Variants in TENM3 observed in about 807,000 individuals in gnomAD.
TENM3 encodes teneurin-3.
TENM3 carries 63 observed loss-of-function variants against 255.1 expected under a neutral mutation model. That is an observed-to-expected ratio of 0.25 (90% CI 0.20 to 0.30). The LOEUF (loss-of-function observed/expected upper bound fraction) is 0.30, where lower values mean the gene tolerates loss of function less well. Ranked by LOEUF, TENM3 falls within the 10% of genes least tolerant of loss-of-function variation. TENM3 has a pLI of 1.00. For missense variants in TENM3, 2,929 were observed against 3,461.1 expected, an observed-to-expected ratio of 0.85 and a Z score of 3.86; for synonymous variants, 1,306 against 1,322.3, an observed-to-expected ratio of 0.99 and a Z score of 0.27.
chr4:182,441,648 C>T (rs1772497206), intron 3 of TENM3, among the ~76,000 whole-genome samples: 1 of 152,182 alleles, frequency 6.6e-6, no homozygotes, highest in Non-Finnish European at 1.5e-5. Flanking sequence ...CAGGCACGTG[C>T]CACCACGCCC....
At chr4:182,211,990 T>C (rs887863608) in intron 1 of TENM3, among the ~76,000 whole-genome samples, 1 of 152,136 alleles carries the variant, frequency 6.6e-6, no homozygotes, top group Non-Finnish European at 1.5e-5. Flanking sequence ...ATACAGCAAA[T>C]GGTAGCTCTA....
At chr4:181,538,235 G>A in the TENM3 span, among the ~76,000 whole-genome samples, 1 of 152,028 alleles carries the variant, frequency 6.6e-6, no homozygotes, top group Non-Finnish European at 1.5e-5. Context: ...GATTACATTG[G>A]TCAGCTCTCA....
At chr4:182,075,322 C>T in the TENM3 span, among the ~76,000 whole-genome samples, 1 of 151,776 alleles carries the variant, frequency 6.6e-6, no homozygotes, top group Non-Finnish European at 1.5e-5. Flanking sequence ...CCTCAGCCTC[C>T]TGAGTAGCTG....
chr4:182,523,997 G>T (rs1271499664), intron 3 of TENM3, among the ~76,000 whole-genome samples: 1 of 151,856 alleles, frequency 6.6e-6, no homozygotes, highest in African/African-American at 2.4e-5. Context: ...AGAATTTTCC[G>T]TAGGAAAAAA....
chr4:182,301,141 C>G (rs1029859399), intron 1 of TENM3, among the ~76,000 whole-genome samples: 7 of 152,124 alleles, frequency 4.6e-5, no homozygotes, highest in African/African-American at 1.4e-4. Flanking sequence ...TCACCGTTTC[C>G]TATATTTCCT....
At position 182,728,433 on chromosome 4, in the gene TENM3, C is replaced by T. The variant is rs116832846; in HGVS notation, c.2369-532C>T. Among the ~76,000 whole-genome samples the T allele has an allele frequency of 7.1e-3, 1,075 of 152,324 alleles. 14 individuals are homozygous for T. The highest frequency in any genetic ancestry group is 0.024 in the African/African-American group (994 of 41,562). On this transcript the variant is annotated intron_variant, in intron 13 of 27. Coordinates refer to ENST00000511685, the MANE Select transcript of TENM3 (RefSeq NM_001080477.4). ...TAATTTTTTTATTTCTTACTCAGAACAAACATTATATGATTCTTTTCAGCC... is the reference window on the plus strand; with the variant it reads ...TAATTTTTTTATTTCTTACTCAGAATAAACATTATATGATTCTTTTCAGCC...
intron 3 of TENM3, among the ~76,000 whole-genome samples, chr4:182,442,829 TATAC>T (rs1481471328): frequency 6.9e-5 from 7 of 101,946 alleles, no homozygotes; most frequent in African/African-American, 2.1e-4. Context: ...TATACATATA[TATAC>T]ATACATACAT....
intron 24 of TENM3, among the ~76,000 whole-genome samples, chr4:182,777,500 A>T (rs1292027216): frequency 7.6e-6 from 1 of 131,892 alleles, no homozygotes; most frequent in Non-Finnish European, 1.6e-5. Context: ...CTGTCTATAC[A>T]TAATGTGTTT....
At chr4:182,013,574 A>G in the TENM3 span, among the ~76,000 whole-genome samples, 2 of 152,024 alleles carry the variant, frequency 1.3e-5, no homozygotes, top group Admixed American at 1.3e-4. Context: ...TTCTCCTCTG[A>G]TGGTAAAGTC....
chr4:182,108,773 C>G, the TENM3 span, among the ~76,000 whole-genome samples: 2 of 152,190 alleles, frequency 1.3e-5, no homozygotes, highest in African/African-American at 4.8e-5. Context: ...TCTCTCAGCT[C>G]TTCCCCCTTA....
chr4:182,482,008 C>G (rs1490538798), intron 3 of TENM3, among the ~76,000 whole-genome samples: 1 of 152,118 alleles, frequency 6.6e-6, no homozygotes, highest in African/African-American at 2.4e-5. Context: ...GAAGTAAATG[C>G]AGATACTGTA....
intron 3 of TENM3, among the ~76,000 whole-genome samples, chr4:182,575,298 T>C (rs1328588889): frequency 6.6e-6 from 1 of 152,192 alleles, no homozygotes; most frequent in African/African-American, 2.4e-5. Flanking sequence ...CTCAATGAGA[T>C]TTTTCATTGA....
chr4:182,706,425 G>A (rs1347468897), intron 12 of TENM3, among the ~76,000 whole-genome samples: 1 of 152,118 alleles, frequency 6.6e-6, no homozygotes, highest in African/African-American at 2.4e-5. Flanking sequence ...TAGTTATTGC[G>A]AATACCACTG....
At chr4:182,468,305 G>A (rs1311357142) in intron 3 of TENM3, among the ~76,000 whole-genome samples, 2 of 152,140 alleles carry the variant, frequency 1.3e-5, no homozygotes, top group African/African-American at 2.4e-5. Flanking sequence ...AGGATGCTCC[G>A]TATATTTGAC....
chr4:182,408,706 C>A (rs946998546), intron 3 of TENM3, among the ~76,000 whole-genome samples: 1 of 152,216 alleles, frequency 6.6e-6, no homozygotes, highest in African/African-American at 2.4e-5. Context: ...TTATAGTATA[C>A]TTTTCTTATT....
chr4:181,755,199 C>A, the TENM3 span, among the ~76,000 whole-genome samples: 1 of 152,138 alleles, frequency 6.6e-6, no homozygotes, highest in Non-Finnish European at 1.5e-5. Flanking sequence ...AGGAGGGGAA[C>A]AAAAGGCCTC....
chr4:181,461,241 A>G, the TENM3 span, among the ~76,000 whole-genome samples: 3 of 151,868 alleles, frequency 2.0e-5, no homozygotes, highest in African/African-American at 4.8e-5. Context: ...CGCAAAGTCT[A>G]TTGTAATTCT....
intron 1 of TENM3, among the ~76,000 whole-genome samples, chr4:182,198,081 G>A (rs1359366281): frequency 6.6e-6 from 1 of 151,890 alleles, no homozygotes; most frequent in Non-Finnish European, 1.5e-5. Context: ...CTCCAGCCTG[G>A]GCGACAGAGT....
chr4:181,474,315 A>T, the TENM3 span, among the ~76,000 whole-genome samples: 1 of 152,186 alleles, frequency 6.6e-6, no homozygotes, highest in African/African-American at 2.4e-5. Context: ...TTAAAGTATG[A>T]TAAAAAATTT....
Sources: allele counts gnomAD v4.1 joint callset (sites outside exome capture counted in the v4.1 genomes callset), GRCh38; gene constraint gnomAD v4.1.1; transcripts MANE v1.5; gene names NCBI Gene and HGNC (gene_info 2026-07-23, HGNC 2026-07-21).